TMEM244: variants seen among roughly 807,000 people sequenced by gnomAD.
TMEM244 encodes transmembrane protein 244, also known as putative transmembrane protein 244.
Under a neutral mutation model 15.8 loss-of-function variants are expected in TMEM244, and 13 were observed. The ratio of observed to expected loss-of-function variants is 0.82; its 90% CI spans 0.53 to 1.30. The LOEUF is 1.30. Among genes scored for constraint, TMEM244 ranks in the 50% most tolerant of loss-of-function variants. The pLI, the probability that TMEM244 is intolerant of heterozygous loss-of-function variation, is 0.00. For synonymous variants in TMEM244, 45 were observed against 48.7 expected (o/e 0.92, Z 0.32); for missense variants, 161 against 144.9 (o/e 1.11, Z -0.57).
At chr6:129,853,418 A>T (rs1333204783) in intron 1 of TMEM244, among the ~76,000 whole-genome samples, 1 of 152,048 alleles carries the variant, frequency 6.6e-6, no homozygotes, top group East Asian at 1.9e-4. Flanking sequence ...TAATATTCAA[A>T]CACATATCAT....
At chr6:129,840,262 C>T (rs1476836674) in intron 3 of TMEM244, among the ~76,000 whole-genome samples, 1 of 152,162 alleles carries the variant, frequency 6.6e-6, no homozygotes, top group East Asian at 1.9e-4. Context: ...ACAGAGGCCT[C>T]AAGAATAACA....
chr6:129,847,775 C>CTTTTTT (rs34238013), intron 1 of TMEM244, among the ~76,000 whole-genome samples: 5 of 137,502 alleles, frequency 3.6e-5, no homozygotes, highest in East Asian at 2.1e-4. Context: ...TTTCTTTTTT[C>CTTTTTT]TTTTTTTTTT....
At chr6:129,848,997 A>G (rs964367099) in intron 1 of TMEM244, among the ~76,000 whole-genome samples, 1 of 152,054 alleles carries the variant, frequency 6.6e-6, no homozygotes, top group African/African-American at 2.4e-5. Context: ...ACATTCACTT[A>G]CTATAAAATT....
At chr6:129,842,724 G>T (rs1022715998) in intron 3 of TMEM244, among the ~76,000 whole-genome samples, 3 of 151,490 alleles carry the variant, frequency 2.0e-5, no homozygotes, top group Non-Finnish European at 2.9e-5. Flanking sequence ...TCTCCTTTCT[G>T]CTTGTAGATA....
intron 3 of TMEM244, among the ~76,000 whole-genome samples, chr6:129,835,734 G>A (rs529023748): frequency 1.3e-4 from 20 of 152,298 alleles, no homozygotes; most frequent in African/African-American, 3.4e-4. Flanking sequence ...CTTAGCAACC[G>A]TCAGACCAGG....
chr6:129,852,500 A>G (rs1387920729), intron 1 of TMEM244, among the ~76,000 whole-genome samples: 1 of 152,142 alleles, frequency 6.6e-6, no homozygotes, highest in Non-Finnish European at 1.5e-5. Context: ...TCTGGGGTCA[A>G]GGACATAGTT....
intron 1 of TMEM244, 104 bp from the exon 2 acceptor site, chr6:129,845,956 C>T: frequency 1.3e-6 from 1 of 772,914 alleles, no homozygotes; most frequent in Non-Finnish European, 2.1e-6. Context: ...ATAGTGTTGG[C>T]TAGCCTTGTA....
intron 2 of TMEM244, among the ~76,000 whole-genome samples, chr6:129,845,509 G>T (rs9492399): frequency 0.074 from 11,191 of 152,084 alleles, 480 homozygotes; most frequent in Non-Finnish European, 0.091. Flanking sequence ...CTGGATGCAG[G>T]GGCTCATGCC....
At chr6:129,845,107 T>C (rs73778835) in intron 2 of TMEM244, among the ~76,000 whole-genome samples, 69 of 152,292 alleles carry the variant, frequency 4.5e-4, no homozygotes, top group African/African-American at 1.6e-3. Flanking sequence ...ATTATCCCAT[T>C]TTGTCCTCAT....
chr6:129,838,096 C>T (rs1776434473), intron 3 of TMEM244, among the ~76,000 whole-genome samples: 1 of 152,196 alleles, frequency 6.6e-6, no homozygotes, highest in Non-Finnish European at 1.5e-5. Flanking sequence ...CCGAATTCTA[C>T]ACCCCAAATC....
rs139680915 is a variant in TMEM244 at position 129,853,061 on chromosome 6, T to C, written c.34-7209A>G. Among the ~76,000 whole-genome samples, 63 of 152,296 alleles carry C rather than the reference T, an allele frequency of 4.1e-4. No homozygotes were observed. The East Asian group carries it at 0.011, about 26-fold the overall frequency. On this transcript the variant is annotated intron_variant, in intron 1 of 4. Transcript: ENST00000368143. ...GTTCCTCTTCATTGCTTTCCTACTA[T>C]ACCAAATCTAATTATCTGGCACATC...
chr6:129,847,173 C>A (rs1000358891), intron 1 of TMEM244, among the ~76,000 whole-genome samples: 1 of 151,982 alleles, frequency 6.6e-6, no homozygotes, highest in South Asian at 2.1e-4. Flanking sequence ...GAAGAAACAC[C>A]TAAAGAGCCA....
chr6:129,837,129 C>T (rs190791691), intron 3 of TMEM244, among the ~76,000 whole-genome samples: 21 of 152,200 alleles, frequency 1.4e-4, no homozygotes, highest in Admixed American at 7.2e-4. Flanking sequence ...TTGTCAGATT[C>T]GCCAAGGTTG....
intron 3 of TMEM244, among the ~76,000 whole-genome samples, chr6:129,839,108 TGGTA>T (rs1333531680): frequency 1.3e-5 from 2 of 152,148 alleles, no homozygotes; most frequent in Non-Finnish European, 2.9e-5. Flanking sequence ...TACCAAAGCC[TGGTA>T]GAGACACAAC....
At chr6:129,859,555 A>G (rs534558488) in intron 1 of TMEM244, among the ~76,000 whole-genome samples, 1 of 152,386 alleles carries the variant, frequency 6.6e-6, no homozygotes, top group East Asian at 1.9e-4. Context: ...AGGAAAGTTT[A>G]CATTAGTTTA....
chr6:129,847,121 C>T (rs1396457379), intron 1 of TMEM244, among the ~76,000 whole-genome samples: 2 of 151,746 alleles, frequency 1.3e-5, no homozygotes, highest in African/African-American at 4.8e-5. Flanking sequence ...AAAGACAAAC[C>T]AATAGAAAAA....
intron 4 of TMEM244, among the ~76,000 whole-genome samples, chr6:129,831,600 A>G (rs1193819623): frequency 7.2e-5 from 11 of 152,182 alleles, no homozygotes; most frequent in Admixed American, 7.2e-4. Flanking sequence ...AAATAATGCT[A>G]TGAATTGTGA....
intron 3 of TMEM244, among the ~76,000 whole-genome samples, chr6:129,842,241 A>AAC (rs1400955720): frequency 6.6e-6 from 1 of 152,164 alleles, no homozygotes; most frequent in Non-Finnish European, 1.5e-5. Flanking sequence ...CTCTACCCAA[A>AAC]ACACACACAT....
At chr6:129,857,234 T>G (rs1776724940) in intron 1 of TMEM244, among the ~76,000 whole-genome samples, 1 of 152,062 alleles carries the variant, frequency 6.6e-6, no homozygotes, top group Non-Finnish European at 1.5e-5. Context: ...TTTACTTCTA[T>G]TTTAATTCTC....
Sources: allele counts gnomAD v4.1 joint callset (sites outside exome capture counted in the v4.1 genomes callset), GRCh38; gene constraint gnomAD v4.1.1; transcripts MANE v1.5; gene names NCBI Gene and HGNC (gene_info 2026-07-23, HGNC 2026-07-21).